Variants in LCMT1 observed in about 807,000 individuals in gnomAD.
LCMT1 encodes the protein leucine carboxyl methyltransferase 1.
LCMT1 carries 32 observed loss-of-function variants against 47.7 expected under a neutral mutation model. The ratio of observed to expected loss-of-function variants is 0.67; its 90% CI spans 0.51 to 0.90. LCMT1 has a LOEUF of 0.90. Among genes scored for constraint, LCMT1 ranks in the 40% least tolerant of loss-of-function variants. LCMT1 has a pLI of 0.00. For synonymous variants in LCMT1, 152 were observed against 149.7 expected, an observed-to-expected ratio of 1.02 and a Z score of -0.11; for missense variants, 375 against 415.2, an observed-to-expected ratio of 0.90 and a Z score of 0.84.
At chr16:25,128,200 A>C (rs978365738) in intron 1 of LCMT1, among the ~76,000 whole-genome samples, 1 of 152,206 alleles carries the variant, frequency 6.6e-6, no homozygotes, top group African/African-American at 2.4e-5. Context: ...GCTATTTGCT[A>C]TGTAGGGTCC....
intron 1 of LCMT1, among the ~76,000 whole-genome samples, chr16:25,114,577 CTT>C (rs955330005): frequency 5.3e-5 from 8 of 152,172 alleles, no homozygotes; most frequent in Non-Finnish European, 1.2e-4. Context: ...GTTCTCCCCT[CTT>C]TTGTTTACCT....
chr16:25,128,427 G>A (rs1451976308), intron 1 of LCMT1, 48 bp from the exon 2 acceptor site: 2 of 1,421,236 alleles, frequency 1.4e-6, no homozygotes, highest in Admixed American at 2.0e-5. Flanking sequence ...ACCTTGGTCT[G>A]AACCTACTCA....
Position 25,149,656 on chromosome 16 carries a change from G to A in LCMT1, c.405-1898G>A, listed in dbSNP as rs565120574. 7.2e-5 allele frequency among the ~76,000 whole-genome samples: 11 copies of A among 152,334 alleles called. No individual in the cohort carries two copies. The South Asian group carries it at 2.3e-3, about 32-fold the overall frequency. ...TGCCCAGGCACAGTGGCTTATGCCTGTAATCCCAGCACTTTGGAAGGCCAA... is the reference window on the plus strand; with the variant it reads ...TGCCCAGGCACAGTGGCTTATGCCTATAATCCCAGCACTTTGGAAGGCCAA... On this transcript the variant is annotated intron_variant, in intron 4 of 10. Transcript: ENST00000399069.
At chr16:25,135,208 T>C (rs1461048326) in intron 3 of LCMT1, among the ~76,000 whole-genome samples, 1 of 152,128 alleles carries the variant, frequency 6.6e-6, no homozygotes, top group African/African-American at 2.4e-5. Context: ...CTGAAAGTTC[T>C]TTGTGGAAAT....
chr16:25,166,139 G>A (rs975604052), intron 7 of LCMT1, among the ~76,000 whole-genome samples: 1 of 151,726 alleles, frequency 6.6e-6, no homozygotes, highest in Non-Finnish European at 1.5e-5. Context: ...GCATGGTGGC[G>A]GACGCCTATA....
chr16:25,158,508 A>G (rs899908822), intron 5 of LCMT1, among the ~76,000 whole-genome samples: 1 of 152,190 alleles, frequency 6.6e-6, no homozygotes, highest in Non-Finnish European at 1.5e-5. Flanking sequence ...TCTCTCACGA[A>G]ATAGAATGTA....
intron 3 of LCMT1, among the ~76,000 whole-genome samples, chr16:25,137,825 G>A (rs1420682194): frequency 6.6e-6 from 1 of 152,146 alleles, no homozygotes; most frequent in Non-Finnish European, 1.5e-5. Flanking sequence ...GTGGGAGGGT[G>A]CTGTATCTTT....
At position 25,178,203 on chromosome 16, in the gene LCMT1, G is replaced by GT; in HGVS notation, c.*183dup. The GT allele has an allele frequency of 1.7e-6, 1 of 588,598 alleles. No homozygotes were observed. Among genetic ancestry groups the GT allele is most frequent in the East Asian group, 3.0e-5 (1 of 32,964 alleles). 36.5% of individuals were successfully genotyped at this position (588,598 alleles called of 1,614,324 possible). A position where few individuals can be genotyped will look rare whatever the true frequency, so the allele number is the denominator to read the frequency against. ...TTCCTGTTCCTGTTGACATGTCGTT[G>GT]TTTAAATAAATCTCACTTGCCACCA... On this transcript the variant is annotated 3_prime_UTR_variant, in exon 11 of 11. Transcript: ENST00000399069.
At chr16:25,160,983 CGTATTTTTTT>C (rs1195483539) in intron 5 of LCMT1, 109 bp from the exon 6 acceptor site, 8 of 512,614 alleles carry the variant, frequency 1.6e-5, no homozygotes, top group South Asian at 2.2e-5. Context: ...CCTCCTCTTA[CGTATTTTTTT>C]TTTTTAACAA....
At chr16:25,168,382 A>G (rs1000269995) in intron 7 of LCMT1, among the ~76,000 whole-genome samples, 1 of 152,238 alleles carries the variant, frequency 6.6e-6, no homozygotes, top group African/African-American at 2.4e-5. Context: ...TAGTGTATAT[A>G]CTACAATGGT....
At chr16:25,119,690 C>A (rs796169561) in intron 1 of LCMT1, among the ~76,000 whole-genome samples, 7 of 152,210 alleles carry the variant, frequency 4.6e-5, no homozygotes, top group African/African-American at 1.7e-4. Flanking sequence ...AGTTTTTCCT[C>A]ACGGCTTAGC....
chr16:25,140,209 C>A lies in LCMT1; in HGVS notation c.366C>A (p.Asp122Glu). 6.2e-7 allele frequency: 1 copy of A among 1,608,834 alleles called. No homozygotes were observed. ...TCCCAAGTAAATATTTTGAGGTTGA[C>A]TTTCCAATGATTGTCACGAGAAAGC... ...DLLPSKYFEV[D>E]FPMIVTRKLH... is the part of the protein sequence containing the mutation. Residue 122 changes from aspartate (D) to glutamate (E), a missense_variant, in exon 4 of 11, where the codon GAC becomes GAA. By Grantham distance (45) the Asp-to-Glu change is conservative (BLOSUM62 2). Transcript: ENST00000399069.
At chr16:25,137,901 C>T (rs921682266) in intron 3 of LCMT1, among the ~76,000 whole-genome samples, 1 of 151,998 alleles carries the variant, frequency 6.6e-6, no homozygotes, top group South Asian at 2.1e-4. Flanking sequence ...GATTTCTGCC[C>T]CCATCATGCT....
chr16:25,128,444 ACTCACCTTCCTC>A lies in LCMT1; in HGVS notation c.114-28_114-17del. The A allele has an allele frequency of 1.3e-6, 2 of 1,524,340 alleles. No homozygotes were observed. Among genetic ancestry groups the A allele is most frequent in the Non-Finnish European group, 1.8e-6 (2 of 1,111,552 alleles). 94.4% of individuals were successfully genotyped at this position (1,524,340 alleles called of 1,614,324 possible). ...CTTGGTCTGAACCTACTCAATCTCT[ACTCACCTTCCTC>A]CTTTTTTCTCCCTTCCAGGTTTGCA... is the stretch of plus-strand genomic sequence containing the variant. On this transcript the variant is annotated intron_variant, in intron 1 of 10. Coordinates refer to ENST00000399069, the MANE Select transcript of LCMT1 (RefSeq NM_016309.3).
chr16:25,123,400 T>C (rs143138300), intron 1 of LCMT1, among the ~76,000 whole-genome samples: 3 of 151,750 alleles, frequency 2.0e-5, no homozygotes, highest in African/African-American at 7.2e-5. Flanking sequence ...AATTTCTGTA[T>C]TTTTAGTAGA....
chr16:25,161,099 C>G lies in LCMT1; in HGVS notation c.467-3C>G. The G allele has an allele frequency of 6.3e-7, 1 of 1,579,162 alleles. No homozygotes were observed. ...AAATTATAGCCTCTGATTGCATTTGCAGATGGACACATACTGGATTCAAAG... is the reference window on the plus strand; with the variant it reads ...AAATTATAGCCTCTGATTGCATTTGGAGATGGACACATACTGGATTCAAAG... On this transcript the variant is annotated splice_polypyrimidine_tract_variant and splice_region_variant and intron_variant, in intron 5 of 10. Coordinates refer to ENST00000399069, the MANE Select transcript of LCMT1 (RefSeq NM_016309.3).
At position 25,154,679 on chromosome 16, in the gene LCMT1, G is replaced by A. The variant is rs369584599; in HGVS notation, c.466+3064G>A. On this transcript the variant is annotated intron_variant, in intron 5 of 10. Coordinates refer to ENST00000399069, the MANE Select transcript of LCMT1 (RefSeq NM_016309.3). Reference sequence around the variant, plus strand: ...TTTTTTTTGTATTTTTAGTAGAGACGGGGTTTCACTGTGTTAGCCAGGATG... The same window carrying A: ...TTTTTTTTGTATTTTTAGTAGAGACAGGGTTTCACTGTGTTAGCCAGGATG... Among the ~76,000 whole-genome samples, 65 of 151,540 alleles carry A rather than the reference G, an allele frequency of 4.3e-4. 1 individual carries two copies. The highest frequency in any genetic ancestry group is 1.5e-3 in the African/African-American group (60 of 41,350).
chr16:25,150,197 T>C (rs277918), intron 4 of LCMT1, among the ~76,000 whole-genome samples: 34,598 of 147,934 alleles, frequency 0.23, 4,078 homozygotes, highest in East Asian at 0.34. Context: ...GTGCTGCTGT[T>C]ATCCCCTTTT....
rs554422997 is a variant in LCMT1 at position 25,151,425 on chromosome 16, C to T, written c.405-129C>T. On this transcript the variant is annotated intron_variant, in intron 4 of 10. Coordinates refer to ENST00000399069, the MANE Select transcript of LCMT1 (RefSeq NM_016309.3). The stretch of plus-strand genomic sequence containing the variant: ...GAAGCCCTTTTTAGAGGGGCCCCTG[C>T]TTTGAACAATAGCAAATATATATTT... 402 of 774,310 alleles carry T rather than the reference C, an allele frequency of 5.2e-4. 1 individual carries two copies. Among genetic ancestry groups the T allele is most frequent in the Non-Finnish European group, 7.0e-4 (329 of 470,458 alleles). 48.0% of individuals were successfully genotyped at this position (774,310 alleles called of 1,614,324 possible).
Sources: allele counts gnomAD v4.1 joint callset (sites outside exome capture counted in the v4.1 genomes callset), GRCh38; gene constraint gnomAD v4.1.1; transcripts MANE v1.5; gene names NCBI Gene and HGNC (gene_info 2026-07-23, HGNC 2026-07-21).